TCEA1: variants seen among roughly 807,000 people sequenced by gnomAD.
TCEA1 encodes the protein transcription elongation factor A protein 1.
TCEA1 carries 21 observed loss-of-function variants against 43.8 expected under a neutral mutation model. That is an observed-to-expected ratio of 0.48 (90% CI 0.34 to 0.69). The LOEUF (loss-of-function observed/expected upper bound fraction) is 0.69, where lower values mean the gene tolerates loss of function less well. TCEA1 is among the 30% of genes least tolerant of loss of function. The pLI is 0.01. For missense variants in TCEA1, 250 were observed against 365.1 expected, an observed-to-expected ratio of 0.68 and a Z score of 2.57; for synonymous variants, 104 against 117.5, an observed-to-expected ratio of 0.88 and a Z score of 0.75.
chr8:53,995,529 A>G (rs1286440107), intron 3 of TCEA1, among the ~76,000 whole-genome samples: 1 of 152,196 alleles, frequency 6.6e-6, no homozygotes, highest in Non-Finnish European at 1.5e-5. Context: ...TCTACTGTAC[A>G]AAGTATACCA....
chr8:54,000,771 T>G (rs941618247), intron 2 of TCEA1, among the ~76,000 whole-genome samples: 1 of 151,464 alleles, frequency 6.6e-6, no homozygotes, highest in Non-Finnish European at 1.5e-5. Flanking sequence ...TTTTTTTTTT[T>G]TTTTTGAGAC....
At chr8:53,996,464 C>T (rs1164395569) in intron 3 of TCEA1, among the ~76,000 whole-genome samples, 1 of 152,204 alleles carries the variant, frequency 6.6e-6, no homozygotes, top group Admixed American at 6.5e-5. Flanking sequence ...TGCATTAATA[C>T]AGGTCAATGC....
At chr8:54,003,053 A>G (rs1237398933) in intron 2 of TCEA1, 5 of 456,186 alleles carry the variant, frequency 1.1e-5, no homozygotes, top group Non-Finnish European at 8.8e-6. Context: ...GTGATCACTC[A>G]TGAGTTTTTG....
intron 7 of TCEA1, 35 bp downstream of exon 7, chr8:53,984,328 C>A (rs546956181): frequency 4.5e-6 from 7 of 1,552,540 alleles, no homozygotes; most frequent in Non-Finnish European, 6.1e-6. Context: ...AACACAGAAT[C>A]ACATTATAGA....
chr8:53,979,705 C>T (rs1803446785), intron 7 of TCEA1, among the ~76,000 whole-genome samples: 1 of 152,194 alleles, frequency 6.6e-6, no homozygotes, highest in South Asian at 2.1e-4. Flanking sequence ...TTTCTATAAT[C>T]CCTCACTGCT....
chr8:54,013,381 T>C (rs772988785), intron 1 of TCEA1, among the ~76,000 whole-genome samples: 2 of 152,060 alleles, frequency 1.3e-5, no homozygotes, highest in Non-Finnish European at 2.9e-5. Flanking sequence ...GAAATAACTA[T>C]GGGCTGGGCA....
intron 2 of TCEA1, among the ~76,000 whole-genome samples, chr8:54,007,832 T>C (rs1804523615): frequency 6.6e-6 from 1 of 152,200 alleles, no homozygotes; most frequent in Non-Finnish European, 1.5e-5. Flanking sequence ...TGTTATTGGC[T>C]ATATTAAGTT....
intron 7 of TCEA1, among the ~76,000 whole-genome samples, chr8:53,981,573 C>A (rs1265047688): frequency 6.6e-6 from 1 of 152,178 alleles, no homozygotes; most frequent in Non-Finnish European, 1.5e-5. Flanking sequence ...ACTATTGAGA[C>A]CTACTGCTCA....
At chr8:54,003,162 C>A in intron 2 of TCEA1, 1 of 429,224 alleles carries the variant, frequency 2.3e-6, no homozygotes, top group Admixed American at 2.7e-5. Flanking sequence ...ACATTTAAAA[C>A]ACACATATAT....
intron 2 of TCEA1, among the ~76,000 whole-genome samples, chr8:54,003,895 G>A (rs1804357114): frequency 6.7e-6 from 1 of 150,182 alleles, no homozygotes; most frequent in Non-Finnish European, 1.5e-5. Flanking sequence ...TGTCTGATAA[G>A]CGACTTGTAT....
At chr8:54,010,522 T>C in intron 1 of TCEA1, 30 bp from the exon 2 acceptor site, 1 of 1,533,182 alleles carries the variant, frequency 6.5e-7, no homozygotes, top group East Asian at 2.3e-5. Context: ...CATATTGAAT[T>C]CCCAAGATGG....
intron 1 of TCEA1, among the ~76,000 whole-genome samples, chr8:54,019,509 G>A (rs1804954184): frequency 6.6e-6 from 1 of 150,892 alleles, no homozygotes; most frequent in Admixed American, 6.6e-5. Flanking sequence ...GGCGGAGGTT[G>A]CAGTGAGCCG....
At chr8:54,015,822 C>T (rs1221938899) in intron 1 of TCEA1, among the ~76,000 whole-genome samples, 1 of 152,106 alleles carries the variant, frequency 6.6e-6, no homozygotes, top group East Asian at 1.9e-4. Context: ...CCAGCCTGGG[C>T]AACATAGCCA....
At chr8:54,015,728 C>G (rs1339353083) in intron 1 of TCEA1, among the ~76,000 whole-genome samples, 1 of 152,122 alleles carries the variant, frequency 6.6e-6, no homozygotes, top group East Asian at 1.9e-4. Flanking sequence ...TAACAAGGTT[C>G]TAGTATTCAG....
At chr8:53,977,244 C>T (rs867495575) in intron 8 of TCEA1, among the ~76,000 whole-genome samples, 8 of 152,262 alleles carry the variant, frequency 5.3e-5, no homozygotes, top group Non-Finnish European at 8.8e-5. Flanking sequence ...GGCGTGAACC[C>T]GGGAGGCGGA....
chr8:53,994,017 G>C (rs1803966961), intron 3 of TCEA1, among the ~76,000 whole-genome samples: 1 of 152,192 alleles, frequency 6.6e-6, no homozygotes, highest in Non-Finnish European at 1.5e-5. Context: ...ATGGAACAAA[G>C]AGATGGGAAG....
intron 1 of TCEA1, 36 bp downstream of exon 1, chr8:54,022,027 G>A: frequency 6.4e-7 from 1 of 1,557,074 alleles, no homozygotes; most frequent in East Asian, 2.6e-5. Flanking sequence ...CCGCGGCCCG[G>A]CCTCCCTCCC....
At chr8:53,988,930 G>C (rs867097316) in intron 4 of TCEA1, among the ~76,000 whole-genome samples, 71 of 152,088 alleles carry the variant, frequency 4.7e-4, no homozygotes, top group African/African-American at 1.5e-3. Flanking sequence ...TTAGCTGGGC[G>C]TGGTGGCACA....
At chr8:54,003,567 T>A (rs1804342709) in intron 2 of TCEA1, among the ~76,000 whole-genome samples, 2 of 152,198 alleles carry the variant, frequency 1.3e-5, no homozygotes, top group South Asian at 4.1e-4. Context: ...TGATTTTAGA[T>A]AAGGATATCA....
Sources: allele counts gnomAD v4.1 joint callset (sites outside exome capture counted in the v4.1 genomes callset), GRCh38; gene constraint gnomAD v4.1.1; transcripts MANE v1.5; gene names NCBI Gene and HGNC (gene_info 2026-07-23, HGNC 2026-07-21).